The following KIAA1549L variants were observed in gnomAD, a reference collection of about 807,000 sequenced individuals.
KIAA1549L encodes UPF0606 protein KIAA1549L.
In KIAA1549L, 88 loss-of-function variants were observed where a neutral mutation model predicts 160.7. That is an observed-to-expected ratio of 0.55 (90% confidence interval 0.46 to 0.65). The LOEUF (loss-of-function observed/expected upper bound fraction) is 0.65. KIAA1549L is among the 30% of genes least tolerant of loss of function. The pLI is 0.00. For missense variants in KIAA1549L, 2,258 were observed against 2,437.5 expected (o/e 0.93, Z 1.55); for synonymous variants, 950 against 976.7 (o/e 0.97, Z 0.51).
At position 33,606,752 on chromosome 11, in the gene KIAA1549L, C is replaced by T. The variant is rs2133322399; in HGVS notation, c.4991C>T (p.Pro1664Leu). 6.2e-7 allele frequency: 1 copy of T among 1,613,748 alleles called. No individual in the cohort carries two copies. Among genetic ancestry groups the T allele is most frequent in the Non-Finnish European group, 8.5e-7 (1 of 1,179,808 alleles). Residue 1664 changes from proline to leucine, a missense_variant, in exon 14 of 21, where the codon CCC becomes CTC. Coordinates refer to ENST00000658780, the MANE Select transcript of KIAA1549L (RefSeq NM_012194.3). ...SGSVQLIAIKPTALPMVPPTS... is the reference protein window; with the variant it reads ...SGSVQLIAIKLTALPMVPPTS... Reference sequence around the variant, plus strand: ...TCTGTGCAGCTCATTGCCATAAAACCCACAGCCCTCCCCATGGTGCCCCCC... The same window carrying T: ...TCTGTGCAGCTCATTGCCATAAAACTCACAGCCCTCCCCATGGTGCCCCCC...
At chr11:33,523,992 T>C (rs748867441) in intron 1 of KIAA1549L, among the ~76,000 whole-genome samples, 1 of 152,192 alleles carries the variant, frequency 6.6e-6, no homozygotes, top group Non-Finnish European at 1.5e-5. Context: ...TCAGTACTGG[T>C]TTCATAAAAT....
At chr11:33,618,708 G>A in intron 16 of KIAA1549L, 46 bp downstream of exon 16, 1 of 1,485,388 alleles carries the variant, frequency 6.7e-7, no homozygotes, top group Non-Finnish European at 9.1e-7. Context: ...CCTTTCCCCT[G>A]AAGGCAAGGG....
At chr11:33,662,613 A>G (rs945039839) in intron 20 of KIAA1549L, among the ~76,000 whole-genome samples, 1 of 152,232 alleles carries the variant, frequency 6.6e-6, no homozygotes, top group African/African-American at 2.4e-5. Flanking sequence ...TTCAGAAAGT[A>G]GATGATGTTT....
In KIAA1549L at chr11:33,583,394, A is replaced by G; in HGVS notation, c.4459A>G (p.Ile1487Val). 1 of 1,605,370 alleles carries G rather than the reference A, an allele frequency of 6.2e-7. No homozygotes were observed. Among genetic ancestry groups the G allele is most frequent in the Non-Finnish European group, 8.5e-7 (1 of 1,176,082 alleles). Reference protein sequence around the residue: ...LWIIAAVLAPIAVVTVIIIII... With the variant: ...LWIIAAVLAPVAVVTVIIIII... ...GATCATCGCTGCAGTGCTGGCGCCC[A>G]TTGCCGTGGTCACGGTCATCATCAT... is the stretch of plus-strand genomic sequence containing the variant. Residue 1487 changes from isoleucine to valine, a missense_variant, in exon 11 of 21, where the codon ATT (isoleucine) becomes GTT (valine). Physicochemically the swap from Ile to Val is conservative, Grantham distance 29. Transcript: ENST00000658780.
At chr11:33,601,038 T>A (rs576680125) in intron 13 of KIAA1549L, among the ~76,000 whole-genome samples, 1 of 151,768 alleles carries the variant, frequency 6.6e-6, no homozygotes, top group Non-Finnish European at 1.5e-5. Context: ...TTTATTCTAT[T>A]TAGGTCACTT....
At chr11:33,403,248 GACACACAC>G (rs745452692) in intron 1 of KIAA1549L, 21 of 5,696 alleles carry the variant, frequency 3.7e-3, no homozygotes, top group Non-Finnish European at 5.4e-3. Context: ...CACATATGCA[GACACACAC>G]ACAGACACAG....
At chr11:33,393,204 T>G (rs1472251620) in intron 1 of KIAA1549L, among the ~76,000 whole-genome samples, 4 of 152,162 alleles carry the variant, frequency 2.6e-5, no homozygotes, top group African/African-American at 9.7e-5. Flanking sequence ...CCTTTACATT[T>G]TATTCTTTCT....
At chr11:33,496,120 C>A (rs1013130725) in intron 1 of KIAA1549L, among the ~76,000 whole-genome samples, 28 of 152,108 alleles carry the variant, frequency 1.8e-4, no homozygotes, top group African/African-American at 6.8e-4. Flanking sequence ...CCTGCCACTA[C>A]ACCTGGCTAA....
chr11:33,658,682 ACTC>A, intron 18 of KIAA1549L, 65 bp from the exon 19 acceptor site: 1 of 1,509,612 alleles, frequency 6.6e-7, no homozygotes, highest in Admixed American at 2.0e-5. Flanking sequence ...GACGGGGCGC[ACTC>A]CTCCTGCTCG....
Position 33,542,324 on chromosome 11 carries a change from A to G in KIAA1549L, c.761A>G (p.Asp254Gly), listed in dbSNP as rs1434560624. 1.5e-6 allele frequency: 1 copy of G among 685,330 alleles called. No homozygotes were observed. Among genetic ancestry groups the G allele is most frequent in the Non-Finnish European group, 2.5e-6 (1 of 396,780 alleles). The allele number at this position is 685,330 out of a possible 1,614,324, so 42.5% of individuals were successfully genotyped here. The change falls in exon 2 of 21, where the codon GAC (aspartate) becomes GGC (glycine). Residue 254 changes from aspartate to glycine, a missense_variant. Physicochemically the swap from Asp to Gly is moderately conservative, Grantham distance 94. This residue lies in a region of KIAA1549L where 540 missense variants were observed against 465.7 expected (regional missense o/e 1.16). Transcript: ENST00000658780. The part of the protein sequence containing the change: ...PLPPSSSLAP[D>G]SPHSIISEPA... Reference sequence around the variant, plus strand: ...CCTCCATCCTCTTCATTGGCTCCTGACTCACCTCATTCCATCATCTCTGAG... The same window carrying G: ...CCTCCATCCTCTTCATTGGCTCCTGGCTCACCTCATTCCATCATCTCTGAG...
chr11:33,622,928 G>A (rs1224565938), intron 16 of KIAA1549L, among the ~76,000 whole-genome samples: 1 of 152,224 alleles, frequency 6.6e-6, no homozygotes, highest in Non-Finnish European at 1.5e-5. Flanking sequence ...AGTGCACCCA[G>A]CTTCCTTTGT....
intron 1 of KIAA1549L, among the ~76,000 whole-genome samples, chr11:33,492,027 C>T (rs1172252289): frequency 6.6e-6 from 1 of 152,174 alleles, no homozygotes; most frequent in Non-Finnish European, 1.5e-5. Flanking sequence ...CCCTCTCAAA[C>T]ATCTAATGGG....
intron 11 of KIAA1549L, among the ~76,000 whole-genome samples, chr11:33,588,558 G>A (rs1849948986): frequency 6.6e-6 from 1 of 152,178 alleles, no homozygotes; most frequent in South Asian, 2.1e-4. Context: ...AGTGGACCTG[G>A]GGAGGAAAAG....
At chr11:33,422,898 T>C (rs1361485675) in intron 1 of KIAA1549L, among the ~76,000 whole-genome samples, 1 of 152,164 alleles carries the variant, frequency 6.6e-6, no homozygotes, top group African/African-American at 2.4e-5. Context: ...TATGTGATCA[T>C]AGCCCCTACC....
At chr11:33,530,414 GAAAAAAAAAAAAAAA>G (rs71457306) in intron 1 of KIAA1549L, among the ~76,000 whole-genome samples, 3 of 16,560 alleles carry the variant, frequency 1.8e-4, no homozygotes, top group Admixed American at 8.3e-4. Flanking sequence ...GAAGAAGAAG[GAAAAAAAAAAAAAAA>G]AAAAAAAATA....
At chr11:33,540,998 T>A (rs1854007001) in intron 1 of KIAA1549L, among the ~76,000 whole-genome samples, 1 of 152,190 alleles carries the variant, frequency 6.6e-6, no homozygotes, top group South Asian at 2.1e-4. Context: ...AAAGGAAGAA[T>A]GAGAAAGGAA....
intron 19 of KIAA1549L, 21 bp from the exon 20 acceptor site, chr11:33,660,842 C>T (rs775407800): frequency 6.2e-7 from 1 of 1,612,534 alleles, no homozygotes; most frequent in East Asian, 2.2e-5. Context: ...TAACCTCCCT[C>T]CTCCATTTCC....
chr11:33,504,431 TTTCCCTTCCC>T (rs562710568), intron 1 of KIAA1549L, among the ~76,000 whole-genome samples: 8 of 150,590 alleles, frequency 5.3e-5, no homozygotes, highest in African/African-American at 7.4e-5. Context: ...TCATTGCAGA[TTTCCCTTCCC>T]TTCCCTTCCC....
chr11:33,556,169 G>A (rs1252090954), intron 6 of KIAA1549L, among the ~76,000 whole-genome samples: 1 of 152,194 alleles, frequency 6.6e-6, no homozygotes, highest in Non-Finnish European at 1.5e-5. Flanking sequence ...AAGTGTTGGT[G>A]ATAACGTGGA....
Sources: gnomAD v4.1 joint callset for allele counts (sites outside exome capture counted in the v4.1 genomes callset) on GRCh38, gnomAD v4.1.1 for gene constraint, gnomAD v4.1.1 regional missense constraint, MANE v1.5 for transcripts, NCBI Gene and HGNC (gene_info 2026-07-23, HGNC 2026-07-21) for gene names.